SCN3A: variants seen among roughly 807,000 people sequenced by gnomAD.
SCN3A encodes the protein sodium voltage-gated channel alpha subunit 3.
SCN3A carries 60 observed loss-of-function variants against 187.6 expected under a neutral mutation model. The observed-to-expected ratio is 0.32, with a 90% CI of 0.26 to 0.40. The LOEUF (loss-of-function observed/expected upper bound fraction) is 0.40, where lower values mean the gene tolerates loss of function less well. Among genes scored for constraint, SCN3A ranks in the 10% least tolerant of loss-of-function variants. SCN3A has a pLI of 1.00. For synonymous variants in SCN3A, 788 were observed against 829.2 expected (o/e 0.95, Z 0.85); for missense variants, 1,601 against 2,428.2 (o/e 0.66, Z 7.16).
At position 165,176,276 on chromosome 2, in the gene SCN3A, T is replaced by C. The variant is rs769896056; in HGVS notation, c.119A>G (p.Glu40Gly). The C allele has an allele frequency of 1.2e-6, 2 of 1,614,158 alleles. No individual in the cohort carries two copies. Among genetic ancestry groups the C allele is most frequent in the South Asian group, 2.2e-5 (2 of 91,088 alleles). ...TTTGTTCTCATCATCATTATCTTGT[T>C]CCTTTTTGGGCTTCTTGGCTTTCTC... ...AEEKAKKPKK[E>G]QDNDDENKPK... is the part of the protein sequence containing the mutation. Residue 40 changes from glutamate to glycine, a missense_variant, in exon 3 of 28, where the codon GAA (glutamate) becomes GGA (glycine). Glu to Gly is a moderately conservative substitution (Grantham distance 98). Coordinates refer to ENST00000283254, the MANE Select transcript of SCN3A (RefSeq NM_006922.4).
chr2:165,152,643 G>T (rs758770645), intron 11 of SCN3A, among the ~76,000 whole-genome samples: 1 of 152,070 alleles, frequency 6.6e-6, no homozygotes, highest in Non-Finnish European at 1.5e-5. Flanking sequence ...CTGAGGAATC[G>T]CCACACTGTC....
chr2:165,110,520 C>G (rs780325484), intron 21 of SCN3A, among the ~76,000 whole-genome samples: 1 of 152,132 alleles, frequency 6.6e-6, no homozygotes, highest in Non-Finnish European at 1.5e-5. Context: ...CTTTACCTTT[C>G]TGTGACTTTA....
chr2:165,117,797 T>G (rs546824821), intron 18 of SCN3A, among the ~76,000 whole-genome samples: 1 of 152,196 alleles, frequency 6.6e-6, no homozygotes, highest in East Asian at 1.9e-4. Context: ...ATGTTAATAA[T>G]AAAAAAGTAA....
At chr2:165,177,009 G>A (rs772874920) in intron 2 of SCN3A, among the ~76,000 whole-genome samples, 3 of 152,044 alleles carry the variant, frequency 2.0e-5, no homozygotes, top group African/African-American at 4.8e-5. Context: ...CACTGTTCTC[G>A]TTGTCAGCAT....
At chr2:165,156,613 AG>A (rs1374112581) in intron 9 of SCN3A, among the ~76,000 whole-genome samples, 1 of 150,850 alleles carries the variant, frequency 6.6e-6, no homozygotes, top group African/African-American at 2.4e-5. Context: ...CTGGTTTTGT[AG>A]AATTTTCTAA....
chr2:165,130,478 C>G (rs1462111809), intron 16 of SCN3A, 182 bp from the exon 17 acceptor site: 8 of 629,892 alleles, frequency 1.3e-5, no homozygotes, highest in Non-Finnish European at 2.2e-5. Context: ...TAAATCTGGT[C>G]ATAATATCAT....
chr2:165,187,648 T>A (rs1251720393), intron 1 of SCN3A, among the ~76,000 whole-genome samples: 1 of 152,158 alleles, frequency 6.6e-6, no homozygotes, highest in Admixed American at 6.5e-5. Context: ...TCTATTCTGT[T>A]ACCGGAGTGA....
chr2:165,195,253 G>A (rs775667351), intron 1 of SCN3A: 1 of 152,234 alleles, frequency 6.6e-6, no homozygotes, highest in Non-Finnish European at 1.5e-5. Flanking sequence ...AACCTAAGAA[G>A]AGGTGAGAGG....
intron 1 of SCN3A, among the ~76,000 whole-genome samples, chr2:165,203,398 G>A (rs1016717551): frequency 4.6e-5 from 7 of 151,904 alleles, no homozygotes; most frequent in African/African-American, 1.5e-4. Flanking sequence ...CTCTAAAGCT[G>A]TTAAATAAAA....
intron 1 of SCN3A, among the ~76,000 whole-genome samples, chr2:165,192,922 G>C (rs1014963250): frequency 1.3e-5 from 2 of 152,084 alleles, no homozygotes; most frequent in African/African-American, 4.8e-5. Context: ...TCTGTTCAAC[G>C]TGGTAGCCAT....
chr2:165,127,561 G>T, intron 18 of SCN3A, 70 bp downstream of exon 18: 1 of 1,253,154 alleles, frequency 8.0e-7, no homozygotes, highest in Non-Finnish European at 1.2e-6. Flanking sequence ...TAAGCACAAT[G>T]AAAATAGTAA....
chr2:165,127,552 A>G, intron 18 of SCN3A, 79 bp downstream of exon 18: 1 of 1,149,248 alleles, frequency 8.7e-7, no homozygotes, highest in East Asian at 2.4e-5. Context: ...TAATGCATAT[A>G]AGCACAATGA....
chr2:165,153,779 T>C (rs1302013149), intron 11 of SCN3A, among the ~76,000 whole-genome samples: 1 of 152,122 alleles, frequency 6.6e-6, no homozygotes. Context: ...AGATTTTTAC[T>C]ATATATTCGT....
In SCN3A at chr2:165,098,327, T is replaced by G. The variant is rs76486630; in HGVS notation, c.3967-803A>C. Among the ~76,000 whole-genome samples the G allele has an allele frequency of 7.4e-4, 112 of 152,340 alleles. No individual in the cohort carries two copies. The East Asian group carries it at 0.019, about 26-fold the overall frequency. On this transcript the variant is annotated intron_variant, in intron 22 of 27. Transcript: ENST00000283254. ...TCTAATCTAGTTCATATTGGACCAT[T>G]CTGTTAATCATTTATGTTAAATAAA...
At chr2:165,170,288 A>C in intron 4 of SCN3A, 142 bp downstream of exon 4, 1 of 631,182 alleles carries the variant, frequency 1.6e-6, no homozygotes. Flanking sequence ...ATAGTGGAAA[A>C]CCAATGCAAA....
chr2:165,173,171 A>G (rs1156435544), intron 3 of SCN3A, among the ~76,000 whole-genome samples: 1 of 152,188 alleles, frequency 6.6e-6, no homozygotes, highest in Non-Finnish European at 1.5e-5. Context: ...GGCAAGAATA[A>G]GATTTACATC....
intron 6 of SCN3A, 64 bp downstream of exon 6, chr2:165,164,328 G>T (rs1053787149): frequency 6.2e-7 from 1 of 1,601,814 alleles, no homozygotes; most frequent in African/African-American, 1.3e-5. Flanking sequence ...ATGACACAAA[G>T]ACCTTGTTTG....
chr2:165,100,358 G>A lies in SCN3A; in HGVS notation c.3910C>T (p.Arg1304Trp), dbSNP rs776500728. The A allele has an allele frequency of 1.9e-6, 3 of 1,613,634 alleles. No homozygotes were observed. Among genetic ancestry groups the A allele is most frequent in the Non-Finnish European group, 1.7e-6 (2 of 1,179,808 alleles). ...YSELGAIKSL[R>W]TLRALRPLRA... ...AGAGGTCTTAAAGCTCTTAATGTCC[G>A]TAATGATTTGATGGCACCGAGTTCT... Residue 1304 changes from arginine to tryptophan, a missense_variant, in exon 22 of 28, where the codon CGG (arginine) becomes TGG (tryptophan). By Grantham distance (101) the Arg-to-Trp change is moderately radical. Transcript: ENST00000283254.
chr2:165,180,517 G>C (rs1324037798), intron 2 of SCN3A, among the ~76,000 whole-genome samples: 1 of 152,048 alleles, frequency 6.6e-6, no homozygotes, highest in Non-Finnish European at 1.5e-5. Context: ...GTCTTATGGT[G>C]GTAGTGGTTG....
Sources: allele counts gnomAD v4.1 joint callset (sites outside exome capture counted in the v4.1 genomes callset), GRCh38; gene constraint gnomAD v4.1.1; transcripts MANE v1.5; gene names NCBI Gene and HGNC (gene_info 2026-07-23, HGNC 2026-07-21).